The following ACE variants were observed in gnomAD, a reference collection of about 807,000 sequenced individuals.
The protein encoded by ACE is angiotensin I converting enzyme.
In ACE, 122 loss-of-function variants were observed where a neutral mutation model predicts 162.3. That is an observed-to-expected ratio of 0.75 (90% confidence interval 0.65 to 0.87). ACE has a LOEUF of 0.87. Among genes scored for constraint, ACE ranks in the 40% least tolerant of loss-of-function variants. The pLI is 0.00. For missense variants in ACE, 1,799 were observed against 1,735.1 expected (o/e 1.04, Z -0.65); for synonymous variants, 796 against 720.6 (o/e 1.10, Z -1.68).
chr17:63,483,904 G>A lies in ACE; in HGVS notation c.1642G>A (p.Ala548Thr). 1.2e-6 allele frequency: 2 copies of A among 1,614,180 alleles called. No homozygotes were observed. Among genetic ancestry groups the A allele is most frequent in the East Asian group, 2.2e-5 (1 of 44,878 alleles). ...GTTCCATGAAGCCCTGTGCAAGGAGGCAGGCTATGAGGGCCCACTGCACCA... is the reference window on the plus strand; with the variant it reads ...GTTCCATGAAGCCCTGTGCAAGGAGACAGGCTATGAGGGCCCACTGCACCA... Reference protein sequence around the residue: ...FQFHEALCKEAGYEGPLHQCD... With the variant: ...FQFHEALCKETGYEGPLHQCD... Residue 548 changes from alanine to threonine, a missense_variant, in exon 11 of 25, where the codon GCA becomes ACA. Transcript: ENST00000290866.
At chr17:63,494,145 A>G in intron 21 of ACE, 79 bp downstream of exon 21, 3 of 1,572,736 alleles carry the variant, frequency 1.9e-6, no homozygotes, top group Non-Finnish European at 2.6e-6. Flanking sequence ...TGGATGGGCC[A>G]GGGTAGGGGA....
intron 19 of ACE, among the ~76,000 whole-genome samples, chr17:63,492,484 G>A (rs2030446753): frequency 6.6e-6 from 1 of 152,220 alleles, no homozygotes; most frequent in Non-Finnish European, 1.5e-5. Flanking sequence ...TTCCAGGCAT[G>A]AGGACTCAGC....
chr17:63,493,237 T>A (rs1041944280), intron 19 of ACE, among the ~76,000 whole-genome samples, 199 bp from the exon 20 acceptor site: 2 of 152,146 alleles, frequency 1.3e-5, no homozygotes, highest in Non-Finnish European at 2.9e-5. Flanking sequence ...AACGGCCCGA[T>A]GCTAGGGGCT....
chr17:63,497,058 C>T (rs1308998369), intron 24 of ACE, 73 bp downstream of exon 24: 1 of 1,586,946 alleles, frequency 6.3e-7, no homozygotes. Flanking sequence ...TGCGGCTGAC[C>T]TCGGAGCCTG....
At position 63,491,894 on chromosome 17, in the gene ACE, A is replaced by G. The variant is rs543578248; in HGVS notation, c.2912+513A>G. On this transcript the variant is annotated intron_variant, in intron 19 of 24. Transcript: ENST00000290866. The surrounding 1 kb of genome is among the most constrained non-coding windows in gnomAD (Gnocchi z 4.4). ...ACCAGTTGATTTTGCTTATGATTTT[A>G]TGTGCCAGGAATTCAGGCAGTACAC... Among the ~76,000 whole-genome samples the G allele has an allele frequency of 1.3e-5, 2 of 152,214 alleles. No homozygotes were observed. Among genetic ancestry groups the G allele is most frequent in the Non-Finnish European group, 2.9e-5 (2 of 68,034 alleles).
chr17:63,497,345 G>T lies in ACE; in HGVS notation c.3900G>T (p.Glu1300Asp), dbSNP rs1244045213. The T allele has an allele frequency of 3.2e-6, 5 of 1,548,470 alleles. No homozygotes were observed. Among genetic ancestry groups the T allele is most frequent in the Non-Finnish European group, 4.4e-6 (5 of 1,146,946 alleles). The change falls in exon 25 of 25, where the codon GAG (glutamate) becomes GAT (aspartate). Residue 1300 changes from glutamate to aspartate, a missense_variant. Glu to Asp is a conservative substitution (Grantham distance 45). Transcript: ENST00000290866. ...RHSHGPQFGS[E>D]VELRHS ...CCCACGGGCCCCAGTTCGGCTCCGAGGTGGAGCTGAGACACTCCTGAGGTG... is the reference window on the plus strand; with the variant it reads ...CCCACGGGCCCCAGTTCGGCTCCGATGTGGAGCTGAGACACTCCTGAGGTG...
In ACE at chr17:63,495,258, G is replaced by A. The variant is rs374751375; in HGVS notation, c.3380+788G>A. Among the ~76,000 whole-genome samples, 2 of 152,198 alleles carry A rather than the reference G, an allele frequency of 1.3e-5. 1 individual carries two copies. The highest frequency in any genetic ancestry group is 3.8e-4 in the East Asian group (2 of 5,196). On this transcript the variant is annotated intron_variant, in intron 22 of 24. Transcript: ENST00000290866. ...TGTGTGCCCCGGGAGAGCACTTGCTGAGGGCTAGCAAGGCTGTTTGTGATC... is the reference window on the plus strand; with the variant it reads ...TGTGTGCCCCGGGAGAGCACTTGCTAAGGGCTAGCAAGGCTGTTTGTGATC...
rs561852241 is a variant in ACE, at chr17:63,481,811, G to A, written c.1118+73G>A. 2.8e-4 allele frequency: 445 copies of A among 1,599,408 alleles called. 6 individuals carry two copies. In the South Asian group the frequency reaches 4.5e-3, roughly 16 times the overall value. On this transcript the variant is annotated intron_variant, in intron 7 of 24. Transcript: ENST00000290866. ...CCGGGGAAAGGCAGGCAGCCCAGGC[G>A]CAGGGAAGCTGGTTCCCAGGCCTGC... is the stretch of plus-strand genomic sequence containing the variant.
In ACE at chr17:63,483,512, G is replaced by A. The variant is rs201762720; in HGVS notation, c.1540G>A (p.Asp514Asn). 6.8e-6 allele frequency: 11 copies of A among 1,614,146 alleles called. No individual in the cohort carries two copies. The East Asian group carries it at 2.2e-4, about 33-fold the overall frequency. Reference sequence around the variant, plus strand: ...TGTTACCCGAAACGAAACCCACTTTGATGCTGGAGCTAAGTTTCATGTTCC... The same window carrying A: ...TGTTACCCGAAACGAAACCCACTTTAATGCTGGAGCTAAGTTTCATGTTCC... Reference protein sequence around the residue: ...PPVTRNETHFDAGAKFHVPNV... With the variant: ...PPVTRNETHFNAGAKFHVPNV... Residue 514 changes from aspartate to asparagine, a missense_variant, in exon 10 of 25, where the codon GAT becomes AAT. Asp to Asn is a conservative substitution (Grantham distance 23). Coordinates refer to ENST00000290866, the MANE Select transcript of ACE (RefSeq NM_000789.4).
intron 13 of ACE, among the ~76,000 whole-genome samples, chr17:63,486,020 T>C (rs755832911): frequency 2.6e-5 from 4 of 152,172 alleles, no homozygotes; most frequent in Non-Finnish European, 5.9e-5. Context: ...TCAAGTCGTT[T>C]TTTAAAAGAT....
chr17:63,481,835 G>A lies in ACE; in HGVS notation c.1118+97G>A, dbSNP rs527748296. On this transcript the variant is annotated intron_variant, in intron 7 of 24. Coordinates refer to ENST00000290866, the MANE Select transcript of ACE (RefSeq NM_000789.4). ...CGCAGGGAAGCTGGTTCCCAGGCCT[G>A]CCTCTACCCTACCCCAGCACTGGTT... 1.9e-5 allele frequency: 28 copies of A among 1,510,714 alleles called. No homozygotes were observed. In the South Asian group the frequency reaches 2.8e-4, roughly 15 times the overall value. 93.6% of individuals were successfully genotyped at this position (1,510,714 alleles called of 1,614,324 possible).
Position 63,483,493 on chromosome 17 carries a change from C to G in ACE, c.1521C>G (p.Thr507=), listed in dbSNP as rs768430819. The G allele has an allele frequency of 6.2e-7, 1 of 1,614,106 alleles. No individual in the cohort carries two copies. Among genetic ancestry groups the G allele is most frequent in the Non-Finnish European group, 8.5e-7 (1 of 1,179,988 alleles). The change falls in exon 10 of 25, where the codon ACC becomes ACG. Residue 507 remains threonine, a synonymous_variant. Transcript: ENST00000290866. ...ATCAGGGGATCTGTCCTCCTGTTAC[C>G]CGAAACGAAACCCACTTTGATGCTG... ...TKYQGICPPV[T]RNETHFDAGA...
chr17:63,495,378 G>A (rs1376001065), intron 22 of ACE, among the ~76,000 whole-genome samples: 1 of 152,204 alleles, frequency 6.6e-6, no homozygotes, highest in Non-Finnish European at 1.5e-5. Context: ...CCCCCAGAGG[G>A]CTGTGGCTGC....
At position 63,489,032 on chromosome 17, in the gene ACE, A is replaced by C; in HGVS notation, c.2541A>C (p.Pro847=). ...DLERLFQELQ[P]LYLNLHAYVR... ...AGCGGCTCTTCCAGGAGCTGCAGCC[A>C]CTCTACCTCAACCTGCATGCCTACG... is the stretch of plus-strand genomic sequence containing the variant. Residue 847 remains proline (P), a synonymous_variant, in exon 17 of 25, where the codon CCA becomes CCC. Transcript: ENST00000290866. The C allele has an allele frequency of 6.2e-7, 1 of 1,613,896 alleles. No homozygotes were observed. The highest frequency in any genetic ancestry group is 8.5e-7 in the Non-Finnish European group (1 of 1,179,994).
rs12720744 is a variant in ACE at position 63,496,990 on chromosome 17, C to T, written c.3691+5C>T. On this transcript the variant is annotated splice_donor_5th_base_variant and intron_variant, in intron 24 of 24. Coordinates refer to ENST00000290866, the MANE Select transcript of ACE (RefSeq NM_000789.4). ...ACAACTGGACGCCGAACTCCGGTAC[C>T]GCCACCCACCCCACCTCCAGCCTTG... 6.3e-3 allele frequency: 10,096 copies of T among 1,606,582 alleles called. 101 individuals carry two copies. The highest frequency in any genetic ancestry group is 0.039 in the Middle Eastern group (181 of 4,652).
Position 63,484,889 on chromosome 17 carries a change from G to A in ACE, c.1922-347G>A, listed in dbSNP as rs746566272. The A allele has an allele frequency of 3.9e-5, 62 of 1,589,784 alleles. No homozygotes were observed. In the East Asian group the frequency reaches 1.4e-3, roughly 36 times the overall value. Reference sequence around the variant, plus strand: ...GGCCATGGGCCAGGGTTGGGCTACTGCAGGACTTCCCAGCCTCCTCTTCCT... The same window carrying A: ...GGCCATGGGCCAGGGTTGGGCTACTACAGGACTTCCCAGCCTCCTCTTCCT... On this transcript the variant is annotated intron_variant, in intron 12 of 24. Coordinates refer to ENST00000290866, the MANE Select transcript of ACE (RefSeq NM_000789.4). The surrounding 1 kb of genome is among the most constrained non-coding windows in gnomAD (Gnocchi z 4.0).
intron 15 of ACE, among the ~76,000 whole-genome samples, chr17:63,488,167 G>A (rs1187514061): frequency 6.6e-6 from 1 of 152,016 alleles, no homozygotes; most frequent in Non-Finnish European, 1.5e-5. Context: ...CCCAGCCTGG[G>A]CAATACAGCA....
intron 22 of ACE, 167 bp from the exon 23 acceptor site, chr17:63,496,227 G>A: frequency 1.1e-6 from 1 of 951,918 alleles, no homozygotes; most frequent in Non-Finnish European, 1.6e-6. Context: ...AAGAGCTGGG[G>A]TGGGGGAGCT....
Position 63,483,567 on chromosome 17 carries a change from G to GCGGGGGCGCGCCC in ACE, c.1586+10_1586+11insGGGGGCGCGCCCC. On this transcript the variant is annotated intron_variant, in intron 10 of 24. Coordinates refer to ENST00000290866, the MANE Select transcript of ACE (RefSeq NM_000789.4). ...GTGACACCATACATCAGGTATTAGC[G>GCGGGGGCGCGCCC]CCCCCACCCCACCCACCCCCAGTAC... The GCGGGGGCGCGCCC allele has an allele frequency of 6.3e-7, 1 of 1,589,582 alleles. No individual in the cohort carries two copies. The highest frequency in any genetic ancestry group is 8.6e-7 in the Non-Finnish European group (1 of 1,165,688).
Sources: allele counts gnomAD v4.1 joint callset (sites outside exome capture counted in the v4.1 genomes callset), GRCh38; gene constraint gnomAD v4.1.1; non-coding constraint Gnocchi (gnomAD v3.1); transcripts MANE v1.5; gene names NCBI Gene and HGNC (gene_info 2026-07-23, HGNC 2026-07-21).